Variants in CEP128 observed in about 807,000 individuals in gnomAD.
CEP128 encodes centrosomal protein 128kDa.
In CEP128, 132 loss-of-function variants were observed where a neutral mutation model predicts 156.7. The ratio of observed to expected loss-of-function variants is 0.84; its 90% CI spans 0.73 to 0.97. The LOEUF is 0.97. Among genes scored for constraint, CEP128 ranks in the 50% least tolerant of loss-of-function variants. The probability of loss-of-function intolerance (pLI) is 0.00; values close to 1 mark genes in which losing one functional copy is unlikely to be tolerated. For synonymous variants in CEP128, 469 were observed against 448.9 expected, an observed-to-expected ratio of 1.04 and a Z score of -0.57; for missense variants, 1,252 against 1,281.9, an observed-to-expected ratio of 0.98 and a Z score of 0.36.
At chr14:80,867,446 T>C (rs1887821359) in intron 8 of CEP128, among the ~76,000 whole-genome samples, 2 of 152,086 alleles carry the variant, frequency 1.3e-5, no homozygotes, top group South Asian at 4.1e-4. Context: ...AGAGCAAAAC[T>C]ATGGGAAAGG....
intron 8 of CEP128, among the ~76,000 whole-genome samples, chr14:80,875,197 C>T (rs1433847190): frequency 3.3e-5 from 5 of 152,138 alleles, no homozygotes; most frequent in Non-Finnish European, 5.9e-5. Context: ...GACTGGAATC[C>T]TGAAGGGCTA....
intron 21 of CEP128, among the ~76,000 whole-genome samples, chr14:80,532,192 T>C (rs1337548796): frequency 6.8e-4 from 104 of 152,092 alleles, no homozygotes; most frequent in African/African-American, 2.4e-3. Flanking sequence ...TATGAGTATA[T>C]ATATATATAT....
chr14:80,629,199 G>A (rs964003704), intron 19 of CEP128, among the ~76,000 whole-genome samples: 1 of 151,966 alleles, frequency 6.6e-6, no homozygotes, highest in Non-Finnish European at 1.5e-5. Flanking sequence ...CTCAGTAAGG[G>A]CTTGATTCTG....
upstream of CEP128, among the ~76,000 whole-genome samples, chr14:80,944,005 A>G (rs1566730848): frequency 6.6e-6 from 1 of 152,106 alleles, no homozygotes; most frequent in Non-Finnish European, 1.5e-5. Context: ...AAAAAAAAAA[A>G]AAAAGTAGTG....
chr14:80,617,425 C>T (rs1015622712), intron 19 of CEP128, among the ~76,000 whole-genome samples: 2 of 151,604 alleles, frequency 1.3e-5, no homozygotes, highest in Non-Finnish European at 2.9e-5. Flanking sequence ...TTAGTAGAGA[C>T]GGGGTTTCAC....
intron 19 of CEP128, among the ~76,000 whole-genome samples, chr14:80,645,188 A>C (rs1894583692): frequency 6.6e-6 from 1 of 152,200 alleles, no homozygotes; most frequent in Admixed American, 6.5e-5. Flanking sequence ...CTATACAGTA[A>C]AACTGAAGAA....
chr14:80,546,325 T>A (rs1295631895), intron 21 of CEP128, among the ~76,000 whole-genome samples: 1 of 152,038 alleles, frequency 6.6e-6, no homozygotes, highest in Admixed American at 6.6e-5. Flanking sequence ...GTTAAGTGAG[T>A]CGCCCATGTG....
chr14:80,811,563 A>T lies in CEP128; in HGVS notation c.1210-18453T>A, dbSNP rs562118000. Among the ~76,000 whole-genome samples, 172 of 152,208 alleles carry T rather than the reference A, an allele frequency of 1.1e-3. 1 individual carries two copies. Among genetic ancestry groups the T allele is most frequent in the African/African-American group, 3.9e-3 (163 of 41,538 alleles). ...TTATTGGTACCTGTTGCTTTATTTT[A>T]AAAAGTTATTTTAAAATCATTCAGA... On this transcript the variant is annotated intron_variant, in intron 13 of 24. Transcript: ENST00000555265.
At chr14:80,944,851 AAAAAAACAG>A (rs1566731102), upstream of CEP128, among the ~76,000 whole-genome samples, 727 of 106,130 alleles carry the variant, frequency 6.9e-3, 26 homozygotes, top group Non-Finnish European at 0.012. Flanking sequence ...AAAAAAAAAA[AAAAAAACAG>A]AAAAAACAGA....
chr14:80,742,605 A>G (rs1383970180), intron 19 of CEP128: 1 of 155,656 alleles, frequency 6.4e-6, no homozygotes, highest in East Asian at 1.9e-4. Flanking sequence ...CTAATATATT[A>G]TATAATGTAT....
At chr14:80,657,374 G>A (rs774332638) in intron 19 of CEP128, among the ~76,000 whole-genome samples, 5 of 152,040 alleles carry the variant, frequency 3.3e-5, no homozygotes, top group Admixed American at 6.6e-5. Flanking sequence ...TCAGGGGGCT[G>A]AGCACGGTGG....
chr14:80,684,256 AG>A (rs1194625666), intron 19 of CEP128, among the ~76,000 whole-genome samples: 1 of 152,144 alleles, frequency 6.6e-6, no homozygotes, highest in Admixed American at 6.6e-5. Context: ...GAAAGGACAA[AG>A]GTGACATTAC....
At chr14:80,654,853 G>A (rs559407455) in intron 19 of CEP128, among the ~76,000 whole-genome samples, 4 of 151,792 alleles carry the variant, frequency 2.6e-5, no homozygotes, top group Admixed American at 6.6e-5. Context: ...GCTTTAACAC[G>A]TCCTTTAGAG....
At chr14:80,889,228 C>T (rs1227372186) in intron 8 of CEP128, among the ~76,000 whole-genome samples, 2 of 152,160 alleles carry the variant, frequency 1.3e-5, no homozygotes, top group Non-Finnish European at 2.9e-5. Context: ...AGATTCAATG[C>T]TATTCCCATC....
intron 8 of CEP128, among the ~76,000 whole-genome samples, chr14:80,886,208 A>G (rs1405093031): frequency 6.6e-6 from 1 of 152,188 alleles, no homozygotes; most frequent in Non-Finnish European, 1.5e-5. Flanking sequence ...AACACTCTTC[A>G]GGATATTATC....
At chr14:80,714,603 C>T (rs189153627) in intron 19 of CEP128, among the ~76,000 whole-genome samples, 1 of 152,014 alleles carries the variant, frequency 6.6e-6, no homozygotes, top group Non-Finnish European at 1.5e-5. Context: ...TAGAAAATTA[C>T]CCGAGCTCTC....
At chr14:80,811,965 GGTTT>G (rs1202477030) in intron 13 of CEP128, among the ~76,000 whole-genome samples, 1 of 152,152 alleles carries the variant, frequency 6.6e-6, no homozygotes, top group Non-Finnish European at 1.5e-5. Context: ...CACATGTGCA[GGTTT>G]GTTACATGGG....
At chr14:80,570,358 C>G (rs576143210) in intron 20 of CEP128, among the ~76,000 whole-genome samples, 1 of 152,090 alleles carries the variant, frequency 6.6e-6, no homozygotes, top group Non-Finnish European at 1.5e-5. Flanking sequence ...CCTGGGGATC[C>G]GCCCACCTCG....
Position 80,784,901 on chromosome 14 carries a change from A to G in CEP128, c.2205T>C (p.Thr735=). ...EKSEAENHIR[T]LKAESLEEKN... ...GATAATTTAGCAGAGGTACCTTCAG[A>G]GTCCTGATATGATTCTCAGCCTCAC... The change falls in exon 15 of 25, where the codon ACT becomes ACC. Residue 735 remains threonine, a synonymous_variant. Transcript: ENST00000555265. 1 of 1,603,712 alleles carries G rather than the reference A, an allele frequency of 6.2e-7. No individual in the cohort carries two copies. The highest frequency in any genetic ancestry group is 8.5e-7 in the Non-Finnish European group (1 of 1,175,266).
Sources: gnomAD v4.1 joint callset for allele counts (sites outside exome capture counted in the v4.1 genomes callset) on GRCh38, gnomAD v4.1.1 for gene constraint, MANE v1.5 for transcripts, NCBI Gene and HGNC (gene_info 2026-07-23, HGNC 2026-07-21) for gene names.